The following GPC5 variants were observed in gnomAD, a reference collection of about 807,000 sequenced individuals.
GPC5 encodes the protein glypican-5.
A neutral mutation model predicts 53.9 loss-of-function variants in GPC5; 47 were observed. That is an observed-to-expected ratio of 0.87 (90% CI 0.69 to 1.11). GPC5 has a LOEUF of 1.11. Ranked by LOEUF, GPC5 falls within the 50% of genes most tolerant of loss-of-function variation. The probability of loss-of-function intolerance (pLI) is 0.00; values close to 1 mark genes in which losing one functional copy is unlikely to be tolerated. For missense variants in GPC5, 748 were observed against 713.1 expected (o/e 1.05, Z -0.56); for synonymous variants, 286 against 263.3 (o/e 1.09, Z -0.84).
chr13:91,537,731 G>A (rs908484060), intron 2 of GPC5, among the ~76,000 whole-genome samples: 7 of 152,062 alleles, frequency 4.6e-5, no homozygotes, highest in African/African-American at 1.7e-4. Context: ...GAAAACTACT[G>A]ACCGATATCT....
chr13:91,527,747 C>A lies in GPC5; in HGVS notation c.325+78825C>A, dbSNP rs577192147. Among the ~76,000 whole-genome samples the A allele has an allele frequency of 2.6e-3, 396 of 152,338 alleles. 1 individual carries two copies. The highest frequency in any genetic ancestry group is 9.0e-3 in the African/African-American group (376 of 41,580). ...GGACATCCAGGCATTTCCATACATC[C>A]TCTGAAATCTAGGCAGAGGCTCCTA... is the stretch of plus-strand genomic sequence containing the variant. On this transcript the variant is annotated intron_variant, in intron 2 of 7. Transcript: ENST00000377067.
intron 7 of GPC5, among the ~76,000 whole-genome samples, chr13:92,504,729 A>G (rs1880307536): frequency 6.6e-6 from 1 of 151,972 alleles, no homozygotes; most frequent in African/African-American, 2.4e-5. Flanking sequence ...ATGACAATAG[A>G]GAAAGGATAG....
intron 7 of GPC5, among the ~76,000 whole-genome samples, chr13:92,153,439 T>C (rs904364485): frequency 1.3e-5 from 2 of 152,178 alleles, no homozygotes; most frequent in African/African-American, 2.4e-5. Context: ...TACCCAGCCT[T>C]CATTTCCTTT....
Position 92,433,265 on chromosome 13 carries a change from G to T in GPC5, c.1561+288276G>T, listed in dbSNP as rs1877171869. On this transcript the variant is annotated intron_variant, in intron 7 of 7. Transcript: ENST00000377067. ...TACATTCTTCACTGTAGCCTGAGAA[G>T]AAGGCAGAATATCTAGATACAGAGA... 5.9e-5 allele frequency among the ~76,000 whole-genome samples: 9 copies of T among 152,212 alleles called. No individual in the cohort carries two copies. The South Asian group carries it at 1.9e-3, about 32-fold the overall frequency.
chr13:92,609,307 T>A (rs1196353257), intron 7 of GPC5, among the ~76,000 whole-genome samples: 1 of 152,036 alleles, frequency 6.6e-6, no homozygotes, highest in Non-Finnish European at 1.5e-5. Context: ...GAGAGGGGGT[T>A]GGTTGGGGAA....
At chr13:91,721,064 CCT>C (rs2036453699) in intron 3 of GPC5, among the ~76,000 whole-genome samples, 1 of 122,252 alleles carries the variant, frequency 8.2e-6, no homozygotes, top group Non-Finnish European at 1.7e-5. Context: ...TCCTTCCTTC[CCT>C]TTCTTTCTTT....
chr13:91,718,099 T>TTTG (rs200812685), intron 3 of GPC5, among the ~76,000 whole-genome samples: 2,842 of 151,346 alleles, frequency 0.019, 77 homozygotes, highest in African/African-American at 0.057. Context: ...TCCCCTAATC[T>TTTG]TTGTTGTTGT....
At chr13:92,529,669 C>T (rs892283377) in intron 7 of GPC5, among the ~76,000 whole-genome samples, 1 of 152,168 alleles carries the variant, frequency 6.6e-6, no homozygotes, top group Non-Finnish European at 1.5e-5. Flanking sequence ...TTTAAATATT[C>T]TTCCTAAACT....
intron 5 of GPC5, among the ~76,000 whole-genome samples, chr13:91,785,877 A>T (rs1446799452): frequency 6.6e-6 from 1 of 152,202 alleles, no homozygotes; most frequent in African/African-American, 2.4e-5. Flanking sequence ...CTGAGATTCC[A>T]TTAATTCCAA....
intron 5 of GPC5, among the ~76,000 whole-genome samples, chr13:91,828,473 G>A (rs1431401237): frequency 2.6e-5 from 4 of 151,880 alleles, no homozygotes; most frequent in South Asian, 2.1e-4. Context: ...GCAATGTCAC[G>A]TTGATTGCAA....
At chr13:91,522,995 T>C (rs115197593) in intron 2 of GPC5, among the ~76,000 whole-genome samples, 2,113 of 152,270 alleles carry the variant, frequency 0.014, 43 homozygotes, top group African/African-American at 0.048. Context: ...CACGCTCTTT[T>C]TCAAATGACA....
chr13:92,566,418 G>A (rs755986914), intron 7 of GPC5, among the ~76,000 whole-genome samples: 2 of 152,050 alleles, frequency 1.3e-5, no homozygotes, highest in Non-Finnish European at 2.9e-5. Context: ...TGAAGACAAG[G>A]AGATTGAATA....
chr13:92,474,556 T>C lies in GPC5; in HGVS notation c.1561+329567T>C, dbSNP rs1168833336. 2.6e-5 allele frequency among the ~76,000 whole-genome samples: 4 copies of C among 152,066 alleles called. No homozygotes were observed. The East Asian group carries it at 7.7e-4, about 29-fold the overall frequency. On this transcript the variant is annotated intron_variant, in intron 7 of 7. Coordinates refer to ENST00000377067, the MANE Select transcript of GPC5 (RefSeq NM_004466.6). ...TCAGCTTGCTTCTCATGGGCAGTAC[T>C]TCATACCAAATGGCTTTTAGGGAAA...
intron 2 of GPC5, among the ~76,000 whole-genome samples, chr13:91,458,357 A>T (rs1177133610): frequency 1.3e-5 from 2 of 152,116 alleles, no homozygotes; most frequent in Non-Finnish European, 2.9e-5. Context: ...ATTGTAAAAT[A>T]ATCACTGTCT....
intron 7 of GPC5, among the ~76,000 whole-genome samples, chr13:92,621,399 G>A (rs1233373306): frequency 4.6e-5 from 7 of 152,034 alleles, no homozygotes; most frequent in Non-Finnish European, 1.0e-4. Flanking sequence ...CATCTCCTTG[G>A]GTAAAATTCC....
At chr13:92,467,092 T>C (rs894689165) in intron 7 of GPC5, among the ~76,000 whole-genome samples, 1 of 152,154 alleles carries the variant, frequency 6.6e-6, no homozygotes, top group South Asian at 2.1e-4. Flanking sequence ...CTGTCAATAA[T>C]GCTTTGTGAT....
intron 5 of GPC5, among the ~76,000 whole-genome samples, chr13:91,763,780 G>A (rs560607663): frequency 1.3e-5 from 2 of 152,114 alleles, no homozygotes; most frequent in African/African-American, 4.8e-5. Context: ...GTTATCTCAT[G>A]GTTTGGGTCT....
intron 2 of GPC5, among the ~76,000 whole-genome samples, chr13:91,621,531 T>A (rs533065238): frequency 5.3e-5 from 8 of 152,116 alleles, no homozygotes; most frequent in Non-Finnish European, 8.8e-5. Flanking sequence ...TGGATATGTC[T>A]GATAGAGTAG....
chr13:91,706,735 T>G (rs1215751621), intron 3 of GPC5, among the ~76,000 whole-genome samples: 1 of 152,034 alleles, frequency 6.6e-6, no homozygotes, highest in Non-Finnish European at 1.5e-5. Context: ...TGTAATATGC[T>G]GCAAATGTGG....
Sources: allele counts gnomAD v4.1 joint callset (sites outside exome capture counted in the v4.1 genomes callset), GRCh38; gene constraint gnomAD v4.1.1; transcripts MANE v1.5; gene names NCBI Gene and HGNC (gene_info 2026-07-23, HGNC 2026-07-21).